Variants in ATXN10 observed in about 807,000 individuals in gnomAD.
ATXN10 encodes the protein ataxin 10, also known as ataxin-10.
ATXN10 carries 28 observed loss-of-function variants against 52.9 expected under a neutral mutation model. That is an observed-to-expected ratio of 0.53 (90% CI 0.39 to 0.73). The LOEUF is 0.73. Among genes scored for constraint, ATXN10 ranks in the 30% least tolerant of loss-of-function variants. The pLI, the probability that ATXN10 is intolerant of heterozygous loss-of-function variation, is 0.00. For synonymous variants in ATXN10, 226 were observed against 221.5 expected, an observed-to-expected ratio of 1.02 and a Z score of -0.18; for missense variants, 565 against 577.0, an observed-to-expected ratio of 0.98 and a Z score of 0.21.
intron 2 of ATXN10, among the ~76,000 whole-genome samples, chr22:45,691,128 A>G (rs1923356908): frequency 1.3e-5 from 2 of 152,252 alleles, no homozygotes; most frequent in Admixed American, 6.5e-5. Context: ...GGATAGAAAC[A>G]ACAATAATCT....
At chr22:45,698,366 G>A (rs1158175744) in intron 3 of ATXN10, among the ~76,000 whole-genome samples, 2 of 152,148 alleles carry the variant, frequency 1.3e-5, no homozygotes, top group African/African-American at 4.8e-5. Flanking sequence ...GTTTTGATTT[G>A]CATTTCCTAA....
At chr22:45,802,487 T>C (rs73889623) in intron 9 of ATXN10, among the ~76,000 whole-genome samples, 2 of 152,222 alleles carry the variant, frequency 1.3e-5, no homozygotes, top group African/African-American at 4.8e-5. Flanking sequence ...CTTTTCCCAG[T>C]GACCTTAACC....
rs781164083 is a variant in ATXN10, at chr22:45,718,373, T to C, written c.648-40T>C. The C allele has an allele frequency of 6.8e-7, 1 of 1,472,000 alleles. No individual in the cohort carries two copies. Among genetic ancestry groups the C allele is most frequent in the Non-Finnish European group, 9.5e-7 (1 of 1,050,434 alleles). The allele number at this position is 1,472,000 out of a possible 1,614,324, so 91.2% of individuals were successfully genotyped here. A position where few individuals can be genotyped will look rare whatever the true frequency, so the allele number is the denominator to read the frequency against. ...AGATAAGGGCATGTCTCTTTTACTA[T>C]GTTTCAAGTAACCAAACTTTCCTCC... On this transcript the variant is annotated intron_variant, in intron 5 of 11. Transcript: ENST00000252934. This position sits in a 1 kb window ranked among gnomAD's most constrained non-coding sequence, Gnocchi z 4.4.
In ATXN10 at chr22:45,784,251, C is replaced by G. The variant is rs1171468007; in HGVS notation, c.1174-22708C>G. Among the ~76,000 whole-genome samples, 1 of 152,144 alleles carries G rather than the reference C, an allele frequency of 6.6e-6. No individual in the cohort carries two copies. The highest frequency in any genetic ancestry group is 1.5e-5 in the Non-Finnish European group (1 of 68,030). On this transcript the variant is annotated intron_variant, in intron 9 of 11. Coordinates refer to ENST00000252934, the MANE Select transcript of ATXN10 (RefSeq NM_013236.4). The surrounding 1 kb of genome is among the most constrained non-coding windows in gnomAD (Gnocchi z 4.2). ...ACTCATTAAGCTCCATGACTGTGAACAAATTAACCCTTACAGATTTCATTT... is the reference window on the plus strand; with the variant it reads ...ACTCATTAAGCTCCATGACTGTGAAGAAATTAACCCTTACAGATTTCATTT...
rs913291660 is a variant in ATXN10, at chr22:45,824,733, A to G, written c.1237+17711A>G. Among the ~76,000 whole-genome samples, 9 of 152,226 alleles carry G rather than the reference A, an allele frequency of 5.9e-5. No homozygotes were observed. The highest frequency in any genetic ancestry group is 1.7e-4 in the African/African-American group (7 of 41,454). ...ACTGAATTGATAGAGGTTTTTATCT[A>G]TGGACCGAGGTGATGTGATCTAGCT... On this transcript the variant is annotated intron_variant, in intron 10 of 11. Coordinates refer to ENST00000252934, the MANE Select transcript of ATXN10 (RefSeq NM_013236.4). The surrounding 1 kb of genome is among the most constrained non-coding windows in gnomAD (Gnocchi z 5.2).
At chr22:45,771,352 C>A (rs965498848) in intron 9 of ATXN10, among the ~76,000 whole-genome samples, 8 of 151,692 alleles carry the variant, frequency 5.3e-5, no homozygotes, top group Non-Finnish European at 1.2e-4. Context: ...GTTTTTATTG[C>A]CCTAATAATG....
chr22:45,705,796 T>C lies in ATXN10; in HGVS notation c.647+2949T>C, dbSNP rs1322674752. Among the ~76,000 whole-genome samples the C allele has an allele frequency of 6.6e-6, 1 of 152,140 alleles. No homozygotes were observed. Among genetic ancestry groups the C allele is most frequent in the African/African-American group, 2.4e-5 (1 of 41,442 alleles). On this transcript the variant is annotated intron_variant, in intron 5 of 11. Coordinates refer to ENST00000252934, the MANE Select transcript of ATXN10 (RefSeq NM_013236.4). This position sits in a 1 kb window ranked among gnomAD's most constrained non-coding sequence, Gnocchi z 5.2. ...TGGGTTGGTTTTGGTAGTTTGTGTC[T>C]TTCTAGGAATTTGCCTGTTTGGTCT...
In ATXN10 at chr22:45,715,151, A is replaced by G. The variant is rs1924397582; in HGVS notation, c.648-3262A>G. ...TGAACATATTGATCAAATCACATTT[A>G]TTGAACATTTGTTAGGAGATTTTTG... is the stretch of plus-strand genomic sequence containing the variant. On this transcript the variant is annotated intron_variant, in intron 5 of 11. Coordinates refer to ENST00000252934, the MANE Select transcript of ATXN10 (RefSeq NM_013236.4). This position sits in a 1 kb window ranked among gnomAD's most constrained non-coding sequence, Gnocchi z 4.4. Among the ~76,000 whole-genome samples the G allele has an allele frequency of 6.6e-6, 1 of 152,236 alleles. No homozygotes were observed. Among genetic ancestry groups the G allele is most frequent in the East Asian group, 1.9e-4 (1 of 5,202 alleles).
At chr22:45,723,165 GTA>G (rs71769548) in intron 6 of ATXN10, among the ~76,000 whole-genome samples, 4,857 of 151,030 alleles carry the variant, frequency 0.032, 246 homozygotes, top group African/African-American at 0.11. Context: ...GTGTGTGTGT[GTA>G]TATATATATA....
intron 7 of ATXN10, among the ~76,000 whole-genome samples, chr22:45,736,048 CTTTTAGGTTTA>C (rs1321626160): frequency 6.6e-6 from 1 of 151,872 alleles, no homozygotes; most frequent in Non-Finnish European, 1.5e-5. Flanking sequence ...GATTAATTTT[CTTTTAGGTTTA>C]TTTTAGTTAA....
chr22:45,679,595 C>T (rs1477172765), intron 1 of ATXN10: 1 of 152,216 alleles, frequency 6.6e-6, no homozygotes, highest in Non-Finnish European at 1.5e-5. Context: ...TACACCAAAA[C>T]ACACAAAAAC....
At chr22:45,706,557 A>G (rs1397639436) in intron 5 of ATXN10, among the ~76,000 whole-genome samples, 1 of 152,136 alleles carries the variant, frequency 6.6e-6, no homozygotes, top group African/African-American at 2.4e-5. Flanking sequence ...TCCTGGTAGG[A>G]ACTACTTTAG....
intron 7 of ATXN10, among the ~76,000 whole-genome samples, chr22:45,735,217 G>A (rs1326538905): frequency 6.6e-6 from 1 of 151,946 alleles, no homozygotes; most frequent in African/African-American, 2.4e-5. Flanking sequence ...ATACAGATTG[G>A]TACATAGTTA....
At chr22:45,730,997 C>A (rs1311579091) in intron 7 of ATXN10, among the ~76,000 whole-genome samples, 1 of 152,170 alleles carries the variant, frequency 6.6e-6, no homozygotes, top group Non-Finnish European at 1.5e-5. Flanking sequence ...TTTTATTCTC[C>A]TTAAGCCTAC....
chr22:45,685,419 G>A (rs989369448), intron 1 of ATXN10, among the ~76,000 whole-genome samples: 2 of 152,066 alleles, frequency 1.3e-5, no homozygotes, highest in African/African-American at 2.4e-5. Flanking sequence ...AGTACTTTCC[G>A]CCTTCTGTGA....
rs1418437627 is a variant in ATXN10 at position 45,786,140 on chromosome 22, A to T, written c.1174-20819A>T. ...GATGTGAATGTTTGCTAAAGAAAAG[A>T]TAGTTGCTAATTTTTCTGGAATTTG... On this transcript the variant is annotated intron_variant, in intron 9 of 11. Transcript: ENST00000252934. The surrounding 1 kb of genome is among the most constrained non-coding windows in gnomAD (Gnocchi z 4.1). Among the ~76,000 whole-genome samples the T allele has an allele frequency of 6.6e-6, 1 of 152,236 alleles. No individual in the cohort carries two copies. The highest frequency in any genetic ancestry group is 1.5e-5 in the Non-Finnish European group (1 of 68,042).
chr22:45,775,168 C>T lies in ATXN10; in HGVS notation c.1174-31791C>T, dbSNP rs1300030143. On this transcript the variant is annotated intron_variant, in intron 9 of 11. Transcript: ENST00000252934. This position sits in a 1 kb window ranked among gnomAD's most constrained non-coding sequence, Gnocchi z 4.7. ...AAACACTGGCCCTCAGTCCTTACCA[C>T]TCCTAGAGAAGGAGGGGATGGCAGT... 6.6e-6 allele frequency among the ~76,000 whole-genome samples: 1 copy of T among 152,152 alleles called. No individual in the cohort carries two copies. Among genetic ancestry groups the T allele is most frequent in the Non-Finnish European group, 1.5e-5 (1 of 68,034 alleles).
rs1924537212 is a variant in ATXN10 at position 45,718,573 on chromosome 22, G to A, written c.728+80G>A. Reference sequence around the variant, plus strand: ...GATGCACGTGACTGAAAAGCTGTGTGGTTTCTGAGTTGGCACAGAATCTCT... The same window carrying A: ...GATGCACGTGACTGAAAAGCTGTGTAGTTTCTGAGTTGGCACAGAATCTCT... On this transcript the variant is annotated intron_variant, in intron 6 of 11. Coordinates refer to ENST00000252934, the MANE Select transcript of ATXN10 (RefSeq NM_013236.4). This position sits in a 1 kb window ranked among gnomAD's most constrained non-coding sequence, Gnocchi z 4.4. 1.6e-6 allele frequency: 2 copies of A among 1,270,536 alleles called. No homozygotes were observed. The highest frequency in any genetic ancestry group is 2.3e-6 in the Non-Finnish European group (2 of 867,768). The allele number at this position is 1,270,536 out of a possible 1,614,324, so 78.7% of individuals were successfully genotyped here.
intron 7 of ATXN10, among the ~76,000 whole-genome samples, chr22:45,731,976 AAG>A (rs894444957): frequency 6.6e-6 from 1 of 152,202 alleles, no homozygotes; most frequent in African/African-American, 2.4e-5. Flanking sequence ...AAAATTCTCT[AAG>A]AGACAGAGAA....
Sources: gnomAD v4.1 joint callset for allele counts (sites outside exome capture counted in the v4.1 genomes callset) on GRCh38, gnomAD v4.1.1 for gene constraint, Gnocchi (gnomAD v3.1) non-coding constraint, MANE v1.5 for transcripts, NCBI Gene and HGNC (gene_info 2026-07-23, HGNC 2026-07-21) for gene names.